Variants in CAPN6 observed in about 807,000 individuals in gnomAD.
CAPN6 encodes calpain-6.
A neutral mutation model predicts 46.0 loss-of-function variants in CAPN6; 16 were observed. The observed-to-expected ratio is 0.35, with a 90% CI of 0.24 to 0.53. The LOEUF is 0.53. CAPN6 is among the 20% of genes least tolerant of loss of function. The pLI, the probability that CAPN6 is intolerant of heterozygous loss-of-function variation, is 0.94. For missense variants in CAPN6, 461 were observed against 498.0 expected, an observed-to-expected ratio of 0.93 and a Z score of 0.71; for synonymous variants, 206 against 172.8, an observed-to-expected ratio of 1.19 and a Z score of -1.51.
rs577298484 is a variant in CAPN6, at chrX:111,253,646, A to G, written c.298-430T>C. On this transcript the variant is annotated intron_variant, in intron 3 of 12. Coordinates refer to ENST00000324068, the MANE Select transcript of CAPN6 (RefSeq NM_014289.4). ...TAAATATCCATTCTAGAGATTTTAT[A>G]TCAATTATATTAAATATGGATTTCA... Among the ~76,000 whole-genome samples the G allele has an allele frequency of 8.9e-5, 10 of 112,827 alleles. No individual in the cohort carries two copies. In the South Asian group the frequency reaches 3.3e-3, roughly 37 times the overall value.
Position 111,252,394 on chromosome X carries a change from G to A in CAPN6, c.612C>T (p.Tyr204=). The A allele has an allele frequency of 1.7e-6, 2 of 1,209,401 alleles. No individual in the cohort carries two copies. Among genetic ancestry groups the A allele is most frequent in the Non-Finnish European group, 2.2e-6 (2 of 893,396 alleles). The change falls in exon 5 of 13, where the codon TAC becomes TAT. Residue 204 remains tyrosine (Y), a synonymous_variant. Coordinates refer to ENST00000324068, the MANE Select transcript of CAPN6 (RefSeq NM_014289.4). ...TGTACTTCTCCTCAACAAGCTCAGT[G>A]TATCTTCCTTTCTGCATGTCAACAG... ...AETVDMQKGR[Y]TELVEEKYKL...
At chrX:111,252,253 TA>T in intron 5 of CAPN6, 53 bp downstream of exon 5, 1 of 971,044 alleles carries the variant, frequency 1.0e-6, no homozygotes, top group Non-Finnish European at 1.4e-6. Flanking sequence ...CCAAACTTTG[TA>T]GTCTCTTCTG....
In CAPN6 at chrX:111,251,762, T is replaced by C. The variant is rs764695654; in HGVS notation, c.700-20A>G. 1.2e-5 allele frequency: 14 copies of C among 1,166,717 alleles called. No homozygotes were observed. Among genetic ancestry groups the C allele is most frequent in the African/African-American group, 1.8e-5 (1 of 56,402 alleles). On this transcript the variant is annotated intron_variant, in intron 5 of 12. Transcript: ENST00000324068. ...GGGAGACTGAGAGCAAAGAAAGATA[T>C]ATAAAGGCACAGGAATTGGGAGACC...
chrX:111,254,763 A>T (rs2094982486), intron 2 of CAPN6, among the ~76,000 whole-genome samples: 1 of 111,538 alleles, frequency 9.0e-6, no homozygotes, highest in Non-Finnish European at 1.9e-5. Context: ...AGTACATTAC[A>T]TTCTGATCCT....
chrX:111,252,255 G>T, intron 5 of CAPN6, 52 bp downstream of exon 5: 1 of 987,718 alleles, frequency 1.0e-6, no homozygotes, highest in Non-Finnish European at 1.4e-6. Flanking sequence ...AAACTTTGTA[G>T]TCTCTTCTGC....
rs1258004734 is a variant in CAPN6 at position 111,248,658 on chromosome X, G to A, written c.1395C>T (p.Gly465=). Residue 465 remains glycine, a synonymous_variant, in exon 10 of 13, where the codon GGC becomes GGT. Coordinates refer to ENST00000324068, the MANE Select transcript of CAPN6 (RefSeq NM_014289.4). ...TVFLSKYLKK[G]NYVLVPTMFQ... ...ACATGGTTGGGACAAGCACATAGTT[G>A]CCCTTCTTCAGGTACTTGCTCAGAA... The A allele has an allele frequency of 9.9e-6, 12 of 1,207,525 alleles. No individual in the cohort carries two copies. Among genetic ancestry groups the A allele is most frequent in the Non-Finnish European group, 1.3e-5 (12 of 893,883 alleles).
At chrX:111,248,195 C>T (rs1049772101) in intron 10 of CAPN6, among the ~76,000 whole-genome samples, 5 of 111,934 alleles carry the variant, frequency 4.5e-5, no homozygotes, top group African/African-American at 1.6e-4. Flanking sequence ...TCAAAGTAGG[C>T]AGGGCTGGGA....
chrX:111,264,115 T>G (rs2147538985), intron 1 of CAPN6, among the ~76,000 whole-genome samples, 164 bp from the exon 2 acceptor site: 1 of 111,868 alleles, frequency 8.9e-6, no homozygotes, highest in Admixed American at 9.5e-5. Flanking sequence ...GAAAGAAGTG[T>G]CCACACTCCG....
intron 10 of CAPN6, 61 bp from the exon 11 acceptor site, chrX:111,248,053 C>A: frequency 9.2e-7 from 1 of 1,090,065 alleles, no homozygotes; most frequent in Non-Finnish European, 1.3e-6. Flanking sequence ...TGAAATAAGC[C>A]CGCCAAAGCA....
At chrX:111,254,575 C>CA (rs1569481149) in intron 2 of CAPN6, among the ~76,000 whole-genome samples, 172 bp from the exon 3 acceptor site, 1 of 110,614 alleles carries the variant, frequency 9.0e-6, no homozygotes, top group African/African-American at 3.3e-5. Flanking sequence ...TAAGGAAAAC[C>CA]AAAAAACAGT....
Position 111,246,606 on chromosome X carries a change from T to C in CAPN6, c.1897A>G (p.Ile633Val), listed in dbSNP as rs1468953752. Residue 633 changes from isoleucine to valine, a missense_variant, in exon 13 of 13, where the codon ATT becomes GTT. By Grantham distance (29) the Ile-to-Val change is conservative (BLOSUM62 3). Coordinates refer to ENST00000324068, the MANE Select transcript of CAPN6 (RefSeq NM_014289.4). ...VKQGHISFKVISSDDLTEL is the reference protein window; with the variant it reads ...VKQGHISFKVVSSDDLTEL ...AGCTCAGTGAGATCATCGCTGGAAATAACCTTGAAGCTGATGTGGCCTTGC... is the reference window on the plus strand; with the variant it reads ...AGCTCAGTGAGATCATCGCTGGAAACAACCTTGAAGCTGATGTGGCCTTGC... The C allele has an allele frequency of 1.7e-5, 20 of 1,209,221 alleles. No individual in the cohort carries two copies. Among genetic ancestry groups the C allele is most frequent in the Non-Finnish European group, 2.2e-5 (20 of 894,838 alleles).
chrX:111,264,823 T>TG (rs1014223197), intron 1 of CAPN6, among the ~76,000 whole-genome samples: 4 of 111,274 alleles, frequency 3.6e-5, no homozygotes, highest in African/African-American at 1.3e-4. Flanking sequence ...TCTTAACAAC[T>TG]GGTTTTTAGG....
At chrX:111,260,131 G>A (rs1469899805) in intron 2 of CAPN6, among the ~76,000 whole-genome samples, 1 of 112,363 alleles carries the variant, frequency 8.9e-6, no homozygotes, top group East Asian at 2.8e-4. Context: ...TTCCTCTGGA[G>A]GGTATGGGCA....
At chrX:111,254,533 T>C in intron 2 of CAPN6, 130 bp from the exon 3 acceptor site, 1 of 452,894 alleles carries the variant, frequency 2.2e-6, no homozygotes, top group Non-Finnish European at 3.8e-6. Context: ...AGGATTTCCA[T>C]AGATGGGATG....
intron 1 of CAPN6, among the ~76,000 whole-genome samples, chrX:111,265,882 T>C (rs1020669004): frequency 9.0e-6 from 1 of 111,513 alleles, no homozygotes; most frequent in Non-Finnish European, 1.9e-5. Context: ...AAGGAATCCC[T>C]GTTATAAAGA....
At chrX:111,262,376 G>A (rs1405145706) in intron 2 of CAPN6, among the ~76,000 whole-genome samples, 2 of 112,155 alleles carry the variant, frequency 1.8e-5, no homozygotes, top group African/African-American at 6.5e-5. Context: ...GACACCACAT[G>A]GTAGCAACGT....
chrX:111,261,473 C>A (rs1381967045), intron 2 of CAPN6, among the ~76,000 whole-genome samples: 1 of 112,224 alleles, frequency 8.9e-6, no homozygotes, highest in African/African-American at 3.2e-5. Context: ...GCCCATAGTA[C>A]GCATGTCATG....
At chrX:111,251,360 G>A in intron 6 of CAPN6, 74 bp from the exon 7 acceptor site, 3 of 1,047,590 alleles carry the variant, frequency 2.9e-6, no homozygotes, top group East Asian at 6.1e-5. Context: ...TAAGTAGGAT[G>A]CCAGAGAAAC....
intron 8 of CAPN6, among the ~76,000 whole-genome samples, chrX:111,250,571 T>C (rs1321520724): frequency 9.1e-6 from 1 of 110,287 alleles, no homozygotes; most frequent in Non-Finnish European, 1.9e-5. Context: ...TGAGGAAGAA[T>C]TGAGGGAGCA....
Sources: gnomAD v4.1 joint callset for allele counts (sites outside exome capture counted in the v4.1 genomes callset) on GRCh38, gnomAD v4.1.1 for gene constraint, MANE v1.5 for transcripts, NCBI Gene and HGNC (gene_info 2026-07-23, HGNC 2026-07-21) for gene names.